CHRNA7: variants seen among roughly 807,000 people sequenced by gnomAD.
CHRNA7 encodes the protein cholinergic receptor nicotinic alpha 7 subunit.
CHRNA7 carries 17 observed loss-of-function variants against 48.0 expected under a neutral mutation model. That is an observed-to-expected ratio of 0.35 (90% CI 0.24 to 0.53). CHRNA7 has a LOEUF of 0.53. CHRNA7 is among the 20% of genes least tolerant of loss of function. The probability of loss-of-function intolerance (pLI) is 0.92; values close to 1 mark genes in which losing one functional copy is unlikely to be tolerated. For synonymous variants in CHRNA7, 75 were observed against 242.3 expected (o/e 0.31, Z 6.41); for missense variants, 155 against 577.7 (o/e 0.27, Z 7.50).
chr15:32,056,346 G>A (rs1400433427), intron 2 of CHRNA7, among the ~76,000 whole-genome samples: 1 of 152,018 alleles, frequency 6.6e-6, no homozygotes, highest in African/African-American at 2.4e-5. Flanking sequence ...ACCTAGAATT[G>A]ATTTTTGTGT....
chr15:32,123,143 T>A (rs1384739464), intron 4 of CHRNA7, among the ~76,000 whole-genome samples: 3 of 152,208 alleles, frequency 2.0e-5, no homozygotes, highest in African/African-American at 7.2e-5. Flanking sequence ...ATGGAATCAC[T>A]AAAAGGCATA....
At chr15:32,099,692 A>G (rs976486433) in intron 2 of CHRNA7, 4 of 152,224 alleles carry the variant, frequency 2.6e-5, no homozygotes, top group Admixed American at 6.5e-5. Context: ...GAGGCAACAG[A>G]TACACGTTCT....
chr15:32,150,218 T>C (rs79840629), intron 4 of CHRNA7, among the ~76,000 whole-genome samples: 2,668 of 152,168 alleles, frequency 0.018, 39 homozygotes, highest in Middle Eastern at 0.054. Context: ...CACTGATTAA[T>C]TTTGTCAGTG....
intron 2 of CHRNA7, among the ~76,000 whole-genome samples, chr15:32,097,819 G>A (rs1251640090): frequency 6.6e-6 from 1 of 152,198 alleles, no homozygotes; most frequent in Non-Finnish European, 1.5e-5. Flanking sequence ...TCCAACTTGG[G>A]AGGGAGTGAC....
rs146334906 is a variant in CHRNA7 at position 32,114,143 on chromosome 15, CAG to C, written c.350+2261_350+2262del. Among the ~76,000 whole-genome samples, 1,271 of 142,746 alleles carry C rather than the reference CAG, an allele frequency of 8.9e-3. 13 individuals carry two copies. Among genetic ancestry groups the C allele is most frequent in the African/African-American group, 0.028 (1,084 of 38,148 alleles). The allele number at this position is 142,746 out of a possible 152,430, so 93.6% of individuals were successfully genotyped here. On this transcript the variant is annotated intron_variant, in intron 4 of 9. Transcript: ENST00000306901. ...ATACATATACATACACACACACACA[CAG>C]AGAGAGAGAGAGAGAGCACCCCACC... is the stretch of plus-strand genomic sequence containing the variant.
At chr15:32,107,843 C>G (rs757357062) in intron 3 of CHRNA7, among the ~76,000 whole-genome samples, 14 of 152,052 alleles carry the variant, frequency 9.2e-5, no homozygotes, top group Non-Finnish European at 1.9e-4. Flanking sequence ...GTGACCAGCC[C>G]CCATGAAAGC....
chr15:32,045,982 T>C (rs1164557299), intron 2 of CHRNA7, among the ~76,000 whole-genome samples: 1 of 151,422 alleles, frequency 6.6e-6, no homozygotes, highest in African/African-American at 2.4e-5. Context: ...TCCATGTCCC[T>C]ACAAAGGACA....
chr15:32,146,622 A>G (rs1400795371), intron 4 of CHRNA7, among the ~76,000 whole-genome samples: 1 of 152,218 alleles, frequency 6.6e-6, no homozygotes, highest in Non-Finnish European at 1.5e-5. Flanking sequence ...AATTTCACAA[A>G]TTTTATTTTC....
intron 4 of CHRNA7, among the ~76,000 whole-genome samples, chr15:32,113,248 C>T (rs555849786): frequency 2.0e-5 from 3 of 152,282 alleles, no homozygotes; most frequent in Non-Finnish European, 2.9e-5. Context: ...GTTCACGTGA[C>T]CTTCGCTTGT....
chr15:32,146,342 G>A lies in CHRNA7; in HGVS notation c.351-7565G>A, dbSNP rs2051488913. 2.6e-5 allele frequency among the ~76,000 whole-genome samples: 4 copies of A among 152,128 alleles called. No individual in the cohort carries two copies. In the South Asian group the frequency reaches 8.3e-4, roughly 31 times the overall value. On this transcript the variant is annotated intron_variant, in intron 4 of 9. Coordinates refer to ENST00000306901, the MANE Select transcript of CHRNA7 (RefSeq NM_000746.6). ...CTCACTTAATGCTGAAACATTAGAAGTTTCTAAACGTAGAATAAAATAAGA... is the reference window on the plus strand; with the variant it reads ...CTCACTTAATGCTGAAACATTAGAAATTTCTAAACGTAGAATAAAATAAGA...
intron 2 of CHRNA7, chr15:32,100,962 GT>G (rs956582282): frequency 3.7e-4 from 84 of 227,028 alleles, no homozygotes; most frequent in African/African-American, 6.4e-4. Context: ...CTACTTTTAT[GT>G]TTTTTTTTAA....
chr15:32,036,858 A>G (rs1176919551), intron 2 of CHRNA7, among the ~76,000 whole-genome samples: 1 of 151,714 alleles, frequency 6.6e-6, no homozygotes, highest in African/African-American at 2.4e-5. Context: ...GTCTTTTGCA[A>G]ATATTTTTCC....
At chr15:32,095,401 A>G (rs902399707) in intron 2 of CHRNA7, among the ~76,000 whole-genome samples, 7 of 152,244 alleles carry the variant, frequency 4.6e-5, no homozygotes, top group African/African-American at 1.4e-4. Context: ...ACTAAGAAGC[A>G]TTTTAAAGTT....
intron 4 of CHRNA7, among the ~76,000 whole-genome samples, chr15:32,140,509 A>G (rs943229901): frequency 6.6e-6 from 1 of 152,196 alleles, no homozygotes; most frequent in Non-Finnish European, 1.5e-5. Flanking sequence ...GTCTTCCACA[A>G]TGGTTGAACT....
chr15:32,086,340 C>A (rs900734731), intron 2 of CHRNA7, among the ~76,000 whole-genome samples: 2 of 142,152 alleles, frequency 1.4e-5, no homozygotes, highest in African/African-American at 5.3e-5. Context: ...CTGCACTCAG[C>A]CTGGGTGACA....
chr15:32,112,164 A>G, intron 4 of CHRNA7: 1 of 602,846 alleles, frequency 1.7e-6, no homozygotes, highest in South Asian at 1.6e-5. Flanking sequence ...CTCGGGGCCT[A>G]GTGTTGTTTC....
Position 32,119,932 on chromosome 15 carries a change from G to A in CHRNA7, c.350+8033G>A, listed in dbSNP as rs377570793. Reference sequence around the variant, plus strand: ...GGACTGTCGCTGGCTGACTGTTAATGCTGTCTGCCTCATCCGGTGCTTACT... The same window carrying A: ...GGACTGTCGCTGGCTGACTGTTAATACTGTCTGCCTCATCCGGTGCTTACT... On this transcript the variant is annotated intron_variant, in intron 4 of 9. Transcript: ENST00000306901. 2.6e-5 allele frequency among the ~76,000 whole-genome samples: 4 copies of A among 152,292 alleles called. No homozygotes were observed. In the South Asian group the frequency reaches 8.3e-4, roughly 32 times the overall value.
At chr15:32,090,318 C>G (rs984588614) in intron 2 of CHRNA7, among the ~76,000 whole-genome samples, 3 of 152,160 alleles carry the variant, frequency 2.0e-5, no homozygotes, top group African/African-American at 7.2e-5. Context: ...CCTTCTCTTG[C>G]TGGAGCCACA....
chr15:32,067,596 T>C (rs2049986736), intron 2 of CHRNA7, among the ~76,000 whole-genome samples: 1 of 152,188 alleles, frequency 6.6e-6, no homozygotes, highest in African/African-American at 2.4e-5. Context: ...AGTAACTACC[T>C]AGGTAAACAT....
Sources: allele counts gnomAD v4.1 joint callset (sites outside exome capture counted in the v4.1 genomes callset), GRCh38; gene constraint gnomAD v4.1.1; transcripts MANE v1.5; gene names NCBI Gene and HGNC (gene_info 2026-07-23, HGNC 2026-07-21).